F5: variants seen among roughly 807,000 people sequenced by gnomAD.
F5 encodes coagulation factor V, also known as activated protein c cofactor.
A neutral mutation model predicts 216.4 loss-of-function variants in F5; 138 were observed. That is an observed-to-expected ratio of 0.64 (90% CI 0.56 to 0.73). The LOEUF (loss-of-function observed/expected upper bound fraction) is 0.73, where lower values mean the gene tolerates loss of function less well. Among genes scored for constraint, F5 ranks in the 30% least tolerant of loss-of-function variants. The pLI is 0.00. For missense variants in F5, 2,403 were observed against 2,674.0 expected (o/e 0.90, Z 2.24); for synonymous variants, 916 against 930.7 (o/e 0.98, Z 0.29).
chr1:169,569,255 T>A (rs767713414), intron 3 of F5, among the ~76,000 whole-genome samples: 6 of 152,090 alleles, frequency 3.9e-5, no homozygotes, highest in Non-Finnish European at 4.4e-5. Context: ...CAAATTTTTG[T>A]ATAGAGAATT....
chr1:169,569,643 C>A (rs1294183432), intron 3 of F5, among the ~76,000 whole-genome samples: 1 of 152,040 alleles, frequency 6.6e-6, no homozygotes, highest in African/African-American at 2.4e-5. Flanking sequence ...ACTTTATTCC[C>A]TGATCTAAGA....
rs146120992 is a variant in F5, at chr1:169,523,296, G to A, written c.5949C>T (p.His1983=). 275 of 1,614,076 alleles carry A rather than the reference G, an allele frequency of 1.7e-4. No homozygotes were observed. The African/African-American group carries it at 3.1e-3, about 18-fold the overall frequency. Residue 1983 remains histidine (H), a synonymous_variant, in exon 21 of 25, where the codon CAC becomes CAT. Transcript: ENST00000367797. ...CTGTGGTATAGCAGGACTTCAGGTA[G>A]TGTTTGGCACCTTGGGTCTGGATCC... is the stretch of plus-strand genomic sequence containing the variant. ...ITGIQTQGAK[H]YLKSCYTTEF... is the part of the protein sequence containing the mutation.
At chr1:169,530,242 A>G (rs1659560975) in intron 15 of F5, among the ~76,000 whole-genome samples, 1 of 152,218 alleles carries the variant, frequency 6.6e-6, no homozygotes, top group African/African-American at 2.4e-5. Flanking sequence ...CCAGGCTAAG[A>G]GAGGTCAAGG....
chr1:169,579,961 G>A (rs1481089550), intron 2 of F5, among the ~76,000 whole-genome samples: 5 of 152,006 alleles, frequency 3.3e-5, no homozygotes, highest in Non-Finnish European at 5.9e-5. Context: ...CCATCTAGTT[G>A]CATCTCTTGT....
chr1:169,550,299 C>CCCCCCCCG (rs1553221195), intron 9 of F5, among the ~76,000 whole-genome samples: 1 of 121,528 alleles, frequency 8.2e-6, no homozygotes, highest in Non-Finnish European at 1.8e-5. Flanking sequence ...CCCCCCCCCC[C>CCCCCCCCG]CGACAGGCCC....
Position 169,540,752 on chromosome 1 carries a change from G to C in F5, c.4338C>G (p.Thr1446=), listed in dbSNP as rs1659814889. 6.2e-7 allele frequency: 1 copy of C among 1,614,026 alleles called. No homozygotes were observed. The highest frequency in any genetic ancestry group is 1.3e-5 in the African/African-American group (1 of 75,030). The change falls in exon 13 of 25, where the codon ACC becomes ACG. Residue 1446 remains threonine (T), a synonymous_variant. Coordinates refer to ENST00000367797, the MANE Select transcript of F5 (RefSeq NM_000130.5). ...VTLSPDISDT[T]LLPDLSQISP... is the part of the protein sequence containing the mutation. ...ATATCTGGCTGAGATCCGGGAGAAGGGTGGTGTCACTGATGTCTGGAGAGA... is the reference window on the plus strand; with the variant it reads ...ATATCTGGCTGAGATCCGGGAGAAGCGTGGTGTCACTGATGTCTGGAGAGA...
chr1:169,542,514 C>A lies in F5; in HGVS notation c.2576G>T (p.Ser859Ile), dbSNP rs1170815968. ...TCCCTTATGCTTAGCATGTTCTTGA[C>A]TTTTGAATTCTCCAGCACCAAGTGA... ...LLSLGAGEFK[S>I]QEHAKHKGPK... is the part of the protein sequence containing the mutation. Residue 859 changes from serine to isoleucine, a missense_variant, in exon 13 of 25, where the codon AGT (serine) becomes ATT (isoleucine). Around this residue, in one of 4 missense-constraint regions of F5, gnomAD observed 1,425 missense variants for 1,554.8 expected, o/e 0.92. Transcript: ENST00000367797. 3.1e-6 allele frequency: 5 copies of A among 1,613,984 alleles called. No individual in the cohort carries two copies. In the African/African-American group the frequency reaches 4.0e-5, roughly 13 times the overall value.
At chr1:169,579,585 A>G (rs1047173802) in intron 2 of F5, among the ~76,000 whole-genome samples, 12 of 152,072 alleles carry the variant, frequency 7.9e-5, no homozygotes, top group Non-Finnish European at 1.3e-4. Context: ...TCTCTCACAA[A>G]CTATCTCCTT....
At chr1:169,523,761 TTAC>T in intron 20 of F5, 37 bp downstream of exon 20, 1 of 1,464,616 alleles carries the variant, frequency 6.8e-7, no homozygotes. Flanking sequence ...ATTTTTATTA[TTAC>T]GATAGCAGTA....
chr1:169,551,636 G>A (rs1293713829), intron 8 of F5, among the ~76,000 whole-genome samples: 3 of 152,192 alleles, frequency 2.0e-5, no homozygotes, highest in Non-Finnish European at 4.4e-5. Context: ...GACCTTGTCA[G>A]GTGCATAAAA....
At position 169,542,001 on chromosome 1, in the gene F5, C is replaced by A; in HGVS notation, c.3089G>T (p.Arg1030Leu). 6.2e-7 allele frequency: 1 copy of A among 1,613,758 alleles called. No individual in the cohort carries two copies. The highest frequency in any genetic ancestry group is 8.5e-7 in the Non-Finnish European group (1 of 1,179,938). Residue 1030 changes from arginine (R) to leucine (L), a missense_variant, in exon 13 of 25, where the codon CGA (arginine) becomes CTA (leucine). Arg to Leu is a moderately radical substitution (Grantham distance 102, BLOSUM62 -2). Around this residue, in one of 4 missense-constraint regions of F5, gnomAD observed 1,425 missense variants for 1,554.8 expected, o/e 0.92. Coordinates refer to ENST00000367797, the MANE Select transcript of F5 (RefSeq NM_000130.5). ...TGTGTGCTTCTCTTTTTTCTTTTTT[C>A]GTGTCTTAATGAGAAACTGGCTTTT... ...LKKSQFLIKT[R>L]KKKKEKHTHH...
At position 169,544,454 on chromosome 1, in the gene F5, T is replaced by C. The variant is rs778647092; in HGVS notation, c.1817A>G (p.Asp606Gly). 1 of 1,614,168 alleles carries C rather than the reference T, an allele frequency of 6.2e-7. No individual in the cohort carries two copies. Among genetic ancestry groups the C allele is most frequent in the East Asian group, 2.2e-5 (1 of 44,876 alleles). ...ACTACAGAAGTGCCACTGGACAGTG[T>C]CATCAAAGCAGAATCCAAGAGTAGT... The part of the protein sequence containing the change: ...SITTLGFCFD[D>G]TVQWHFCSVG... The change falls in exon 12 of 25, where the codon GAC becomes GGC. Residue 606 changes from aspartate (D) to glycine (G), a missense_variant. Asp to Gly is a moderately conservative substitution (Grantham distance 94). This residue lies in a region of F5 where 1,425 missense variants were observed against 1,554.8 expected (regional missense o/e 0.92). Coordinates refer to ENST00000367797, the MANE Select transcript of F5 (RefSeq NM_000130.5).
Position 169,541,555 on chromosome 1 carries a change from G to A in F5, c.3535C>T (p.His1179Tyr). ...GAGATGACTGTCTGCCAGACTTCAT[G>A]TTCTGAGGAAGGGGACATTTGACTT... ...DISQMSPSSE[H>Y]EVWQTVISPD... The change falls in exon 13 of 25, where the codon CAT (histidine) becomes TAT (tyrosine). Residue 1179 changes from histidine (H) to tyrosine (Y), a missense_variant. Physicochemically the swap from His to Tyr is moderately conservative, Grantham distance 83. Transcript: ENST00000367797. 6.2e-7 allele frequency: 1 copy of A among 1,614,140 alleles called. No individual in the cohort carries two copies. The highest frequency in any genetic ancestry group is 1.1e-5 in the South Asian group (1 of 91,058).
At chr1:169,543,675 C>T (rs9332600) in intron 12 of F5, among the ~76,000 whole-genome samples, 37,287 of 152,122 alleles carry the variant, frequency 0.25, 4,744 homozygotes, top group Admixed American at 0.34. Context: ...GCTGGAACAT[C>T]AAAGATTTCT....
chr1:169,532,273 C>T (rs571284184), intron 14 of F5, among the ~76,000 whole-genome samples: 3 of 152,180 alleles, frequency 2.0e-5, no homozygotes, highest in South Asian at 2.1e-4. Context: ...AAGCCTTCCC[C>T]GTGAGAACTG....
chr1:169,567,383 T>TAAA (rs35536147), intron 3 of F5, among the ~76,000 whole-genome samples: 276 of 150,630 alleles, frequency 1.8e-3, no homozygotes, highest in African/African-American at 6.4e-3. Flanking sequence ...TAAAGTATAA[T>TAAA]AAAAAAAAAT....
At position 169,556,300 on chromosome 1, in the gene F5, G is replaced by C. The variant is rs569035048; in HGVS notation, c.952+346C>G. ...TCTGTAAATTTGCAGTTTGTCTTGT[G>C]CTAGCATCTAGGTCTTTTTTGCATA... On this transcript the variant is annotated intron_variant, in intron 6 of 24. Transcript: ENST00000367797. 5.3e-5 allele frequency among the ~76,000 whole-genome samples: 5 copies of C among 94,298 alleles called. No individual in the cohort carries two copies. In the South Asian group the frequency reaches 1.5e-3, roughly 28 times the overall value. 61.9% of individuals were successfully genotyped at this position (94,298 alleles called of 152,430 possible). A position where few individuals can be genotyped will look rare whatever the true frequency, so the allele number is the denominator to read the frequency against.
At chr1:169,529,231 T>C (rs1167413110) in intron 16 of F5, among the ~76,000 whole-genome samples, 4 of 152,202 alleles carry the variant, frequency 2.6e-5, no homozygotes, top group Non-Finnish European at 5.9e-5. Context: ...CAGGTGATCA[T>C]TTCTTTTATA....
At chr1:169,578,600 A>G (rs1163291196) in intron 2 of F5, among the ~76,000 whole-genome samples, 1 of 152,170 alleles carries the variant, frequency 6.6e-6, no homozygotes, top group Non-Finnish European at 1.5e-5. Context: ...TCCTGGCCCT[A>G]ATGAGTATGT....
Sources: allele counts gnomAD v4.1 joint callset (sites outside exome capture counted in the v4.1 genomes callset), GRCh38; gene constraint gnomAD v4.1.1; regional missense constraint gnomAD v4.1.1; transcripts MANE v1.5; gene names NCBI Gene and HGNC (gene_info 2026-07-23, HGNC 2026-07-21).